Variants in MBD5 observed in about 807,000 individuals in gnomAD.
The protein encoded by MBD5 is methyl-CpG-binding domain protein 5.
A neutral mutation model predicts 117.3 loss-of-function variants in MBD5; 13 were observed. The observed-to-expected ratio is 0.11, with a 90% CI of 0.07 to 0.18. The LOEUF is 0.18. Ranked by LOEUF, MBD5 falls within the 10% of genes least tolerant of loss-of-function variation. The pLI is 1.00. For synonymous variants in MBD5, 727 were observed against 766.4 expected (o/e 0.95, Z 0.85); for missense variants, 1,879 against 2,093.8 (o/e 0.90, Z 2.00).
At chr2:148,200,897 G>C (rs1479448449) in intron 2 of MBD5, among the ~76,000 whole-genome samples, 2 of 151,922 alleles carry the variant, frequency 1.3e-5, no homozygotes. Context: ...TTAAAAAGCT[G>C]CTTTAAAACT....
chr2:148,331,798 T>C (rs1436259385), intron 3 of MBD5, among the ~76,000 whole-genome samples: 2 of 151,350 alleles, frequency 1.3e-5, no homozygotes, highest in African/African-American at 2.4e-5. Context: ...CTTTCAGACA[T>C]TGAAAAAAAA....
At chr2:148,098,747 G>A (rs1028819855) in intron 1 of MBD5, among the ~76,000 whole-genome samples, 3 of 152,052 alleles carry the variant, frequency 2.0e-5, no homozygotes, top group Non-Finnish European at 4.4e-5. Flanking sequence ...TTGATGTAGG[G>A]GTTAGGAAGA....
chr2:148,500,285 T>C (rs1386888879), intron 11 of MBD5, among the ~76,000 whole-genome samples: 1 of 152,010 alleles, frequency 6.6e-6, no homozygotes, highest in East Asian at 1.9e-4. Flanking sequence ...TATGTGTGTG[T>C]AATTTTATAT....
chr2:148,094,643 A>T (rs1696018900), intron 1 of MBD5, among the ~76,000 whole-genome samples: 1 of 152,176 alleles, frequency 6.6e-6, no homozygotes, highest in South Asian at 2.1e-4. Context: ...ATCTGTATTG[A>T]TATTTTGAAA....
intron 1 of MBD5, among the ~76,000 whole-genome samples, chr2:148,155,678 C>G (rs1321254054): frequency 1.3e-5 from 2 of 152,202 alleles, no homozygotes; most frequent in African/African-American, 4.8e-5. Flanking sequence ...CACTCATTCA[C>G]AAGAGATTTA....
At chr2:148,202,699 G>A (rs538936076) in intron 2 of MBD5, among the ~76,000 whole-genome samples, 335 of 152,154 alleles carry the variant, frequency 2.2e-3, no homozygotes, top group African/African-American at 7.3e-3. Context: ...TTTTTTAGAG[G>A]TAACTTCAAT....
intron 3 of MBD5, among the ~76,000 whole-genome samples, chr2:148,270,786 C>T (rs1700967495): frequency 1.3e-5 from 2 of 152,002 alleles, no homozygotes; most frequent in Non-Finnish European, 2.9e-5. Flanking sequence ...ATTGCCCTAC[C>T]TTTCTTGGAT....
chr2:148,495,902 C>T (rs781372209), intron 11 of MBD5, among the ~76,000 whole-genome samples: 4 of 152,178 alleles, frequency 2.6e-5, no homozygotes, highest in Non-Finnish European at 4.4e-5. Flanking sequence ...TGGAGCATAA[C>T]CAGAGACAAC....
At chr2:148,232,821 T>C (rs1424811651) in intron 2 of MBD5, among the ~76,000 whole-genome samples, 1 of 152,158 alleles carries the variant, frequency 6.6e-6, no homozygotes, top group African/African-American at 2.4e-5. Flanking sequence ...GTTTTTGTTC[T>C]AGATTTTTCC....
intron 4 of MBD5, among the ~76,000 whole-genome samples, chr2:148,439,520 A>C (rs1263093980): frequency 6.6e-6 from 1 of 152,194 alleles, no homozygotes; most frequent in Non-Finnish European, 1.5e-5. Flanking sequence ...TTTTGAAAAC[A>C]AGATATTCTA....
intron 4 of MBD5, among the ~76,000 whole-genome samples, chr2:148,422,392 C>T (rs144555796): frequency 0.12 from 18,542 of 152,150 alleles, 1,524 homozygotes; most frequent in Middle Eastern, 0.19. Flanking sequence ...GCATCAACAT[C>T]AACAAAAAGG....
chr2:148,403,050 A>T (rs887180315), intron 4 of MBD5, among the ~76,000 whole-genome samples: 1 of 151,950 alleles, frequency 6.6e-6, no homozygotes, highest in African/African-American at 2.4e-5. Context: ...TATTAATCTC[A>T]TCTAGTGTAT....
At chr2:148,467,121 T>A (rs774910228) in intron 7 of MBD5, among the ~76,000 whole-genome samples, 1 of 152,192 alleles carries the variant, frequency 6.6e-6, no homozygotes, top group Non-Finnish European at 1.5e-5. Context: ...CATTTTCTCA[T>A]GGAGCCCAGC....
chr2:148,067,722 C>G (rs747545286), intron 1 of MBD5, among the ~76,000 whole-genome samples: 2 of 152,286 alleles, frequency 1.3e-5, no homozygotes, highest in African/African-American at 2.4e-5. Context: ...ACCCTCAGCC[C>G]CATCCCCTAA....
chr2:148,448,274 TTCC>T (rs1260918675), intron 4 of MBD5, among the ~76,000 whole-genome samples: 63 of 152,250 alleles, frequency 4.1e-4, no homozygotes, highest in African/African-American at 1.4e-3. Flanking sequence ...AGAAATAATC[TTCC>T]TCCTCTTGTT....
chr2:148,069,310 C>G (rs1455013002), intron 1 of MBD5, among the ~76,000 whole-genome samples: 2 of 151,840 alleles, frequency 1.3e-5, no homozygotes, highest in Non-Finnish European at 1.5e-5. Context: ...TTCACTTGAT[C>G]CATCTTGAAT....
At chr2:148,418,962 T>C (rs984660407) in intron 4 of MBD5, among the ~76,000 whole-genome samples, 1 of 152,146 alleles carries the variant, frequency 6.6e-6, no homozygotes, top group Non-Finnish European at 1.5e-5. Flanking sequence ...TCACATTACC[T>C]GACTTCAAAT....
At chr2:148,150,542 T>A (rs1008782772) in intron 1 of MBD5, among the ~76,000 whole-genome samples, 1 of 152,182 alleles carries the variant, frequency 6.6e-6, no homozygotes, top group African/African-American at 2.4e-5. Context: ...AGTATGGCCA[T>A]TTTCACGATA....
Position 148,021,412 on chromosome 2 carries a change from A to C in MBD5, c.-1197A>C. On this transcript the variant is annotated 5_prime_UTR_variant, in exon 1 of 14. Coordinates refer to ENST00000642680, the MANE Select transcript of MBD5 (RefSeq NM_001378120.1). The stretch of plus-strand genomic sequence containing the variant: ...CCTCCTCTTTGGCCGTGAGAGGAGG[A>C]GAGAAAGAAACCAAAAGCCTCTTAG... The C allele has an allele frequency of 2.0e-6, 1 of 508,484 alleles. No homozygotes were observed. The highest frequency in any genetic ancestry group is 3.9e-6 in the Non-Finnish European group (1 of 259,438). 31.5% of individuals were successfully genotyped at this position (508,484 alleles called of 1,614,324 possible).
Sources: gnomAD v4.1 joint callset for allele counts (sites outside exome capture counted in the v4.1 genomes callset) on GRCh38, gnomAD v4.1.1 for gene constraint, MANE v1.5 for transcripts, NCBI Gene and HGNC (gene_info 2026-07-23, HGNC 2026-07-21) for gene names.